Variants in TMF1 observed in about 807,000 individuals in gnomAD.
The protein encoded by TMF1 is TATA element modulatory factor.
TMF1 carries 71 observed loss-of-function variants against 126.5 expected under a neutral mutation model. The ratio of observed to expected loss-of-function variants is 0.56; its 90% confidence interval spans 0.46 to 0.68. The LOEUF is 0.68. Ranked by LOEUF, TMF1 falls within the 30% of genes least tolerant of loss-of-function variation. TMF1 has a pLI of 0.00. For synonymous variants in TMF1, 461 were observed against 430.5 expected (o/e 1.07, Z -0.88); for missense variants, 1,259 against 1,253.2 (o/e 1.00, Z -0.07).
chr3:69,038,587 G>A lies in TMF1; in HGVS notation c.2128C>T (p.Gln710Ter), dbSNP rs746375788. ...ACTTGAATGGCTAATGTTTCTTGCT[G>A]CTGACGGGCTTCTTCTTGGGCCTTC... ...LEKAQEEARQ[Q>*]QETLAIQVGD... Residue 710 changes from glutamine (Q) to a stop codon, truncating the protein, a stop_gained, in exon 8 of 17, where the codon CAG (glutamine) becomes TAG (stop). Coordinates refer to ENST00000398559, the MANE Select transcript of TMF1 (RefSeq NM_007114.3). LOFTEE classifies it high-confidence loss of function. 1 of 1,613,994 alleles carries A rather than the reference G, an allele frequency of 6.2e-7. No individual in the cohort carries two copies. Among genetic ancestry groups the A allele is most frequent in the Non-Finnish European group, 8.5e-7 (1 of 1,179,988 alleles).
In TMF1 at chr3:69,032,685, A is replaced by ACTG. The variant is rs1415022123; in HGVS notation, c.2401+860_2401+862dup. Among the ~76,000 whole-genome samples the ACTG allele has an allele frequency of 5.4e-5, 8 of 148,246 alleles. No homozygotes were observed. In the East Asian group the frequency reaches 1.6e-3, roughly 29 times the overall value. ...GAGTGCTGTAGCGCAATCTCAGCTC[A>ACTG]CTGCAGCCTCTGCTTCCCAGGTTCA... is the stretch of plus-strand genomic sequence containing the variant. On this transcript the variant is annotated intron_variant, in intron 10 of 16. Coordinates refer to ENST00000398559, the MANE Select transcript of TMF1 (RefSeq NM_007114.3).
intron 5 of TMF1, among the ~76,000 whole-genome samples, chr3:69,040,069 A>G (rs2091855199): frequency 6.6e-6 from 1 of 152,218 alleles, no homozygotes; most frequent in Non-Finnish European, 1.5e-5. Flanking sequence ...GATATTTCCT[A>G]CTAGAAATAT....
intron 9 of TMF1, 48 bp downstream of exon 9, chr3:69,034,974 GA>G (rs2091824306): frequency 1.3e-6 from 2 of 1,504,390 alleles, no homozygotes; most frequent in African/African-American, 1.4e-5. Flanking sequence ...TTTATTTCTA[GA>G]AAAACACATA....
chr3:69,048,073 G>A lies in TMF1; in HGVS notation c.632C>T (p.Ser211Phe), dbSNP rs776807922. 1.8e-5 allele frequency: 29 copies of A among 1,614,134 alleles called. No individual in the cohort carries two copies. In the Middle Eastern group the frequency reaches 2.6e-3, roughly 147 times the overall value. The change falls in exon 2 of 17, where the codon TCT becomes TTT. Residue 211 changes from serine to phenylalanine, a missense_variant. Ser to Phe is a radical substitution (Grantham distance 155). Transcript: ENST00000398559. ...IDVKTTMESI[S>F]NTSTQSLTAE... ...TGTGAGAGACTGCGTAGACGTATTA[G>A]ATATACTTTCCATAGTTGTTTTCAC...
intron 15 of TMF1, 97 bp from the exon 16 acceptor site, chr3:69,024,277 T>C: frequency 2.5e-6 from 3 of 1,214,028 alleles, no homozygotes; most frequent in Non-Finnish European, 3.3e-6. Context: ...GGTTTTTTTT[T>C]TTTTTTTGAA....
At chr3:69,042,781 C>T (rs1200516435) in intron 5 of TMF1, 26 bp downstream of exon 5, 2 of 1,560,912 alleles carry the variant, frequency 1.3e-6, no homozygotes, top group Admixed American at 1.7e-5. Context: ...CAGTATTTTT[C>T]ATAGTCAACC....
chr3:69,046,167 A>G (rs948454413), intron 2 of TMF1, among the ~76,000 whole-genome samples: 2 of 152,210 alleles, frequency 1.3e-5, no homozygotes, highest in Admixed American at 6.5e-5. Flanking sequence ...AAGAATTTTT[A>G]AATCTCCATA....
At chr3:69,050,843 C>T (rs2091923345) in intron 1 of TMF1, among the ~76,000 whole-genome samples, 1 of 152,136 alleles carries the variant, frequency 6.6e-6, no homozygotes, top group Non-Finnish European at 1.5e-5. Context: ...TATCCTTTTT[C>T]ACACAAAGGT....
At chr3:69,033,939 TCCCAGCTGG>T in intron 9 of TMF1, 1 of 316,894 alleles carries the variant, frequency 3.2e-6, no homozygotes, top group Non-Finnish European at 5.8e-6. Context: ...CAAGCGATCC[TCCCAGCTGG>T]GACTACAGGT....
chr3:69,043,669 A>T (rs1021430364), intron 4 of TMF1, 81 bp downstream of exon 4: 1 of 1,285,204 alleles, frequency 7.8e-7, no homozygotes, highest in South Asian at 1.6e-5. Context: ...CTTTTTTCCA[A>T]TATCAAAATA....
At chr3:69,033,454 C>T (rs531603380) in intron 10 of TMF1, 94 bp downstream of exon 10, 1 of 1,340,482 alleles carries the variant, frequency 7.5e-7, no homozygotes, top group South Asian at 1.6e-5. Context: ...ATGTAACTAT[C>T]AGATCAAATG....
At position 69,021,686 on chromosome 3, in the gene TMF1, T is replaced by G. The variant is rs1245387278; in HGVS notation, c.*1491A>C. On this transcript the variant is annotated 3_prime_UTR_variant, in exon 17 of 17. Coordinates refer to ENST00000398559, the MANE Select transcript of TMF1 (RefSeq NM_007114.3). ...TAACTAAAAATTAAATAAGAGTTTGTTTTTTTTTTTTTGAGACGGAGTCTT... is the reference window on the plus strand; with the variant it reads ...TAACTAAAAATTAAATAAGAGTTTGGTTTTTTTTTTTTGAGACGGAGTCTT... 1 of 109,704 alleles carries G rather than the reference T, an allele frequency of 9.1e-6. No individual in the cohort carries two copies. The highest frequency in any genetic ancestry group is 2.3e-5 in the Non-Finnish European group (1 of 43,120). The allele number at this position is 109,704 out of a possible 1,614,324, so 6.8% of individuals were successfully genotyped here.
At chr3:69,035,341 C>T (rs539199546) in intron 8 of TMF1, 153 of 510,944 alleles carry the variant, frequency 3.0e-4, no homozygotes, top group East Asian at 2.7e-3. Context: ...GGCAAAGAAA[C>T]GCAAACAAAT....
intron 5 of TMF1, chr3:69,042,318 A>G (rs1224609971): frequency 2.2e-6 from 1 of 455,698 alleles, no homozygotes; most frequent in East Asian, 6.9e-5. Flanking sequence ...GATTACAGTC[A>G]TAAGCCACCA....
At chr3:69,041,199 A>C (rs2091862675) in intron 5 of TMF1, among the ~76,000 whole-genome samples, 1 of 152,222 alleles carries the variant, frequency 6.6e-6, no homozygotes, top group Non-Finnish European at 1.5e-5. Context: ...TTGTAAGGCA[A>C]GGCAGTTAAT....
intron 5 of TMF1, among the ~76,000 whole-genome samples, chr3:69,040,001 G>A (rs1274652652): frequency 2.0e-5 from 3 of 152,180 alleles, no homozygotes; most frequent in Non-Finnish European, 2.9e-5. Flanking sequence ...ATCACCAATT[G>A]TAGTACAGCC....
chr3:69,028,096 T>A, intron 12 of TMF1, 104 bp from the exon 13 acceptor site: 1 of 1,121,860 alleles, frequency 8.9e-7, no homozygotes, highest in Non-Finnish European at 1.3e-6. Context: ...ATATTTGTTT[T>A]CCTACTAAAG....
chr3:69,043,486 T>C (rs1037148542), intron 4 of TMF1, among the ~76,000 whole-genome samples: 8 of 152,146 alleles, frequency 5.3e-5, no homozygotes, highest in African/African-American at 1.7e-4. Flanking sequence ...ATGTATTTTT[T>C]AGTAGAGGCA....
In TMF1 at chr3:69,043,826, T is replaced by C. The variant is rs373935145; in HGVS notation, c.1502A>G (p.Asp501Gly). The C allele has an allele frequency of 6.2e-7, 1 of 1,611,758 alleles. No individual in the cohort carries two copies. The highest frequency in any genetic ancestry group is 1.3e-5 in the African/African-American group (1 of 74,988). The change falls in exon 4 of 17, where the codon GAT becomes GGT. Residue 501 changes from aspartate to glycine, a missense_variant. By Grantham distance (94) the Asp-to-Gly change is moderately conservative. Coordinates refer to ENST00000398559, the MANE Select transcript of TMF1 (RefSeq NM_007114.3). Reference sequence around the variant, plus strand: ...TTCTGCAATTCTTTGAGTAAACTCATCTTTCAAGGAAGAAATGCTACTGCT... The same window carrying C: ...TTCTGCAATTCTTTGAGTAAACTCACCTTTCAAGGAAGAAATGCTACTGCT... ...EESSSISSLKDEFTQRIAEAE... is the reference protein window; with the variant it reads ...EESSSISSLKGEFTQRIAEAE...
Sources: allele counts gnomAD v4.1 joint callset (sites outside exome capture counted in the v4.1 genomes callset), GRCh38; gene constraint gnomAD v4.1.1; transcripts MANE v1.5; gene names NCBI Gene and HGNC (gene_info 2026-07-23, HGNC 2026-07-21).